The following AUH variants were observed in gnomAD, a reference collection of about 807,000 sequenced individuals.
The protein encoded by AUH is AU RNA binding methylglutaconyl-CoA hydratase, also known as methylglutaconyl-CoA hydratase, mitochondrial.
In AUH, 29 loss-of-function variants were observed where a neutral mutation model predicts 42.3. The observed-to-expected ratio is 0.69, with a 90% CI of 0.51 to 0.93. AUH has a LOEUF of 0.93. AUH is among the 40% of genes least tolerant of loss of function. The pLI is 0.00. For synonymous variants in AUH, 174 were observed against 166.4 expected (o/e 1.05, Z -0.35); for missense variants, 452 against 438.1 (o/e 1.03, Z -0.28).
intron 6 of AUH, among the ~76,000 whole-genome samples, chr9:91,272,767 G>A (rs1326217278): frequency 6.6e-6 from 1 of 152,076 alleles, no homozygotes; most frequent in Non-Finnish European, 1.5e-5. Flanking sequence ...TTACTAACAA[G>A]TATCTGGTGC....
intron 6 of AUH, among the ~76,000 whole-genome samples, chr9:91,259,525 G>T (rs763014827): frequency 2.0e-5 from 3 of 151,536 alleles, no homozygotes; most frequent in Non-Finnish European, 4.4e-5. Flanking sequence ...CTCTTTTAAG[G>T]TAAAAGTTTA....
intron 3 of AUH, among the ~76,000 whole-genome samples, chr9:91,347,022 C>A (rs1051934700): frequency 1.3e-5 from 2 of 151,968 alleles, no homozygotes; most frequent in Non-Finnish European, 2.9e-5. Context: ...AACCTAGAAG[C>A]TCCCTGAGCC....
chr9:91,354,644 G>GA (rs1832267483), intron 3 of AUH, among the ~76,000 whole-genome samples: 1 of 152,092 alleles, frequency 6.6e-6, no homozygotes, highest in South Asian at 2.1e-4. Flanking sequence ...ACTGCCAACA[G>GA]AAAAACAATG....
chr9:91,355,604 C>T lies in AUH; in HGVS notation c.418+279G>A, dbSNP rs990469120. ...AATATTGGCCACAATTAAGACACAA[C>T]AAACAACATTGTACTACATGTACTA... On this transcript the variant is annotated intron_variant, in intron 3 of 9. Transcript: ENST00000375731. Among the ~76,000 whole-genome samples the T allele has an allele frequency of 5.3e-5, 8 of 151,296 alleles. No homozygotes were observed. In the South Asian group the frequency reaches 1.3e-3, roughly 24 times the overall value.
At chr9:91,276,733 A>G (rs1243230444) in intron 6 of AUH, among the ~76,000 whole-genome samples, 1 of 152,234 alleles carries the variant, frequency 6.6e-6, no homozygotes. Flanking sequence ...ACATAGCACC[A>G]TGGAAACAAA....
intron 6 of AUH, among the ~76,000 whole-genome samples, chr9:91,291,922 CAAAAAAAAAA>C (rs10592483): frequency 1.1e-5 from 1 of 87,434 alleles, no homozygotes; most frequent in Non-Finnish European, 2.3e-5. Flanking sequence ...GACTCCGTGT[CAAAAAAAAAA>C]AAAAAAAAAA....
chr9:91,234,132 C>A (rs1186917935), intron 6 of AUH, among the ~76,000 whole-genome samples: 1 of 152,146 alleles, frequency 6.6e-6, no homozygotes, highest in Non-Finnish European at 1.5e-5. Flanking sequence ...CCCGGTCTTG[C>A]TTTTGGAGAC....
At chr9:91,236,047 T>C (rs1828155592) in intron 6 of AUH, among the ~76,000 whole-genome samples, 2 of 152,188 alleles carry the variant, frequency 1.3e-5, no homozygotes, top group Non-Finnish European at 2.9e-5. Context: ...GGGTTTCCTG[T>C]AATTTGTACC....
intron 6 of AUH, among the ~76,000 whole-genome samples, chr9:91,254,667 T>C (rs1014971895): frequency 6.6e-6 from 1 of 152,210 alleles, no homozygotes; most frequent in Admixed American, 6.5e-5. Context: ...TCCATATCTC[T>C]TCAGTTAATA....
chr9:91,361,239 A>C (rs1013036884), intron 1 of AUH, among the ~76,000 whole-genome samples: 2 of 152,124 alleles, frequency 1.3e-5, no homozygotes, highest in Non-Finnish European at 2.9e-5. Context: ...AGCTTTTACA[A>C]CTCCACCACT....
chr9:91,342,742 T>C (rs1427110976), intron 3 of AUH: 9 of 152,128 alleles, frequency 5.9e-5, no homozygotes, highest in Non-Finnish European at 1.0e-4. Flanking sequence ...GTACTCTGAG[T>C]CATTTTTAAC....
chr9:91,223,217 C>A (rs1827234848), intron 6 of AUH, among the ~76,000 whole-genome samples: 1 of 152,194 alleles, frequency 6.6e-6, no homozygotes, highest in Admixed American at 6.5e-5. Context: ...CAGGGGAAAA[C>A]CCTTGGCGTG....
chr9:91,279,394 C>T (rs183873587), intron 6 of AUH, among the ~76,000 whole-genome samples: 2 of 152,194 alleles, frequency 1.3e-5, no homozygotes, highest in East Asian at 1.9e-4. Context: ...CAGTATTAGG[C>T]TATTTGTGTT....
intron 6 of AUH, among the ~76,000 whole-genome samples, chr9:91,269,184 T>G (rs868509902): frequency 6.6e-5 from 10 of 152,180 alleles, no homozygotes; most frequent in African/African-American, 2.4e-4. Flanking sequence ...TTTCACCATA[T>G]TGGCCAGGCT....
chr9:91,267,060 G>T (rs1383387151), intron 6 of AUH, among the ~76,000 whole-genome samples: 1 of 152,100 alleles, frequency 6.6e-6, no homozygotes, highest in Non-Finnish European at 1.5e-5. Context: ...AGTCCAGATG[G>T]CAGAAAGGGA....
intron 6 of AUH, among the ~76,000 whole-genome samples, chr9:91,248,008 T>G (rs2131371319): frequency 6.6e-6 from 1 of 152,348 alleles, no homozygotes; most frequent in South Asian, 2.1e-4. Context: ...AAGACATTCT[T>G]AACTTCAGTA....
rs558514483 is a variant in AUH at position 91,300,035 on chromosome 9, T to C, written c.506-1959A>G. Among the ~76,000 whole-genome samples the C allele has an allele frequency of 5.3e-5, 8 of 152,294 alleles. No homozygotes were observed. In the East Asian group the frequency reaches 1.5e-3, roughly 29 times the overall value. On this transcript the variant is annotated intron_variant, in intron 4 of 9. Transcript: ENST00000375731. ...AGTTACCAATGACATTATAAGATTG[T>C]CCTATAGCCAGTGGACAATATTCAG...
chr9:91,295,252 C>T (rs756889246), intron 6 of AUH, among the ~76,000 whole-genome samples: 3 of 152,076 alleles, frequency 2.0e-5, no homozygotes, highest in East Asian at 1.9e-4. Flanking sequence ...TACCCAGTCT[C>T]GCATATGTCT....
At chr9:91,273,925 G>A (rs1482059465) in intron 6 of AUH, among the ~76,000 whole-genome samples, 2 of 152,154 alleles carry the variant, frequency 1.3e-5, no homozygotes, top group Non-Finnish European at 2.9e-5. Flanking sequence ...TCTCTTCTCA[G>A]AGGTGGAAAA....
Sources: gnomAD v4.1 joint callset for allele counts (sites outside exome capture counted in the v4.1 genomes callset) on GRCh38, gnomAD v4.1.1 for gene constraint, MANE v1.5 for transcripts, NCBI Gene and HGNC (gene_info 2026-07-23, HGNC 2026-07-21) for gene names.